Variants in SLC8A1 observed in about 807,000 individuals in gnomAD.
SLC8A1 encodes solute carrier family 8 member A1, also known as sodium/calcium exchanger 1.
A neutral mutation model predicts 68.3 loss-of-function variants in SLC8A1; 18 were observed. The ratio of observed to expected loss-of-function variants is 0.26; its 90% CI spans 0.18 to 0.39. The LOEUF is 0.39. Among genes scored for constraint, SLC8A1 ranks in the 10% least tolerant of loss-of-function variants. The pLI is 1.00. For synonymous variants in SLC8A1, 475 were observed against 415.5 expected, an observed-to-expected ratio of 1.14 and a Z score of -1.74; for missense variants, 985 against 1,156.7, an observed-to-expected ratio of 0.85 and a Z score of 2.15.
chr2:40,187,409 T>C (rs1386185868), intron 2 of SLC8A1, among the ~76,000 whole-genome samples: 3 of 152,204 alleles, frequency 2.0e-5, no homozygotes, highest in Admixed American at 2.0e-4. Flanking sequence ...CCTGATCTTT[T>C]GGTATTGTCA....
chr2:40,256,300 C>T (rs114392488), intron 2 of SLC8A1, among the ~76,000 whole-genome samples: 1,678 of 152,200 alleles, frequency 0.011, 36 homozygotes, highest in African/African-American at 0.038. Flanking sequence ...TTTTTTGAGA[C>T]GGCTGCCTGG....
intron 2 of SLC8A1, among the ~76,000 whole-genome samples, chr2:40,315,478 G>A (rs866067876): frequency 6.1e-5 from 8 of 131,020 alleles, no homozygotes; most frequent in African/African-American, 2.3e-4. Context: ...GGCTATCCCT[G>A]TTACAACTGC....
At chr2:40,174,558 A>G in intron 4 of SLC8A1, 148 bp downstream of exon 6, 1 of 779,688 alleles carries the variant, frequency 1.3e-6, no homozygotes, top group Non-Finnish European at 2.1e-6. Flanking sequence ...CACATTATTA[A>G]TTTGTAAAAC....
At chr2:40,245,509 G>C (rs2061750828) in intron 2 of SLC8A1, among the ~76,000 whole-genome samples, 1 of 152,110 alleles carries the variant, frequency 6.6e-6, no homozygotes, top group Non-Finnish European at 1.5e-5. Context: ...AGTTGACAGG[G>C]TAAAACTTTT....
intron 2 of SLC8A1, among the ~76,000 whole-genome samples, chr2:40,259,707 TTTACTA>T (rs2064430294): frequency 6.6e-6 from 1 of 152,206 alleles, no homozygotes; most frequent in Non-Finnish European, 1.5e-5. Context: ...TGGAGGTTGA[TTTACTA>T]TTGCCAATAT....
intron 2 of SLC8A1, among the ~76,000 whole-genome samples, chr2:40,303,800 TCTGAGATAAGC>T (rs2072024770): frequency 6.6e-6 from 1 of 152,142 alleles, no homozygotes; most frequent in African/African-American, 2.4e-5. Context: ...TTTCTTCAGG[TCTGAGATAAGC>T]CTGAGACATA....
chr2:40,216,437 A>G (rs891608677), intron 2 of SLC8A1, among the ~76,000 whole-genome samples: 5 of 152,098 alleles, frequency 3.3e-5, no homozygotes, highest in African/African-American at 9.7e-5. Flanking sequence ...CATGACTGCT[A>G]TTGGAAATAG....
intron 7 of SLC8A1, among the ~76,000 whole-genome samples, chr2:40,121,601 T>C (rs1034749739): frequency 2.0e-5 from 3 of 152,144 alleles, no homozygotes; most frequent in African/African-American, 7.2e-5. Flanking sequence ...GATTGAATTG[T>C]GCTGCTCTGT....
At chr2:40,511,405 G>A (rs111575914) in intron 1 of SLC8A1, among the ~76,000 whole-genome samples, 7 of 152,200 alleles carry the variant, frequency 4.6e-5, no homozygotes, top group African/African-American at 1.7e-4. Context: ...TAACAGATAT[G>A]CTTTAATTTA....
At chr2:40,168,708 A>G (rs2148498100) in intron 4 of SLC8A1, among the ~76,000 whole-genome samples, 1 of 152,254 alleles carries the variant, frequency 6.6e-6, no homozygotes, top group East Asian at 1.9e-4. Context: ...AAAGCAGATC[A>G]TTTTACTATG....
At chr2:40,431,281 C>T (rs1422716739) in intron 1 of SLC8A1, among the ~76,000 whole-genome samples, 2 of 151,984 alleles carry the variant, frequency 1.3e-5, no homozygotes, top group African/African-American at 4.8e-5. Context: ...CATGGTCATT[C>T]TAAAATACAT....
At chr2:40,216,251 T>C (rs2057467084) in intron 2 of SLC8A1, among the ~76,000 whole-genome samples, 1 of 152,112 alleles carries the variant, frequency 6.6e-6, no homozygotes, top group East Asian at 1.9e-4. Flanking sequence ...TGAGAACATG[T>C]GGTGTTTGGT....
chr2:40,475,917 T>C (rs113203804), intron 1 of SLC8A1, among the ~76,000 whole-genome samples: 19 of 152,250 alleles, frequency 1.2e-4, no homozygotes, highest in Middle Eastern at 3.4e-3. Context: ...CATCACATCA[T>C]AGAAAAGGAT....
chr2:40,131,858 ATTTTTTTTTTT>A (rs71404277), intron 7 of SLC8A1, among the ~76,000 whole-genome samples: 72 of 95,550 alleles, frequency 7.5e-4, no homozygotes, highest in African/African-American at 1.6e-3. Flanking sequence ...TTGGTATTCT[ATTTTTTTTTTT>A]TTTTTTTTTT....
rs562868174 is a variant in SLC8A1 at position 40,233,036 on chromosome 2, G to A, written c.1809-55181C>T. 2.4e-4 allele frequency among the ~76,000 whole-genome samples: 37 copies of A among 152,034 alleles called. No individual in the cohort carries two copies. In the East Asian group the frequency reaches 4.6e-3, roughly 19 times the overall value. On this transcript the variant is annotated intron_variant, in intron 2 of 7. Transcript: ENST00000406785. ...GGGTTGGTTCCAAGTCTTTGCTATC[G>A]TGAATAATGCTGCAGTAAACATACG...
chr2:40,172,023 A>C (rs1027045416), intron 4 of SLC8A1, among the ~76,000 whole-genome samples: 1 of 152,144 alleles, frequency 6.6e-6, no homozygotes, highest in African/African-American at 2.4e-5. Context: ...AGATTTTCAC[A>C]CTCAGCTGCG....
intron 4 of SLC8A1, 112 bp downstream of exon 6, chr2:40,174,594 C>T (rs991351312): frequency 3.4e-5 from 34 of 998,264 alleles, no homozygotes; most frequent in Admixed American, 1.4e-4. Context: ...CCAGCAAGAG[C>T]ACACCATGTG....
chr2:40,307,558 G>T (rs1396590649), intron 2 of SLC8A1, among the ~76,000 whole-genome samples: 1 of 152,100 alleles, frequency 6.6e-6, no homozygotes. Context: ...TTTTTAAAAA[G>T]ATATAAATAA....
chr2:40,109,772 G>GA (rs2125049200), exon 8 of SLC8A1: 1 of 152,046 alleles, frequency 6.6e-6, no homozygotes, highest in South Asian at 2.1e-4. Context: ...CCAACTCTTT[G>GA]AAAAAATGCT....
Sources: gnomAD v4.1 joint callset for allele counts (sites outside exome capture counted in the v4.1 genomes callset) on GRCh38, gnomAD v4.1.1 for gene constraint, MANE v1.5 for transcripts, NCBI Gene and HGNC (gene_info 2026-07-23, HGNC 2026-07-21) for gene names.